CLIP2: variants seen among roughly 807,000 people sequenced by gnomAD.
The protein encoded by CLIP2 is CAP-Gly domain-containing linker protein 2.
CLIP2 carries 41 observed loss-of-function variants against 111.7 expected under a neutral mutation model. That is an observed-to-expected ratio of 0.37 (90% CI 0.29 to 0.48). CLIP2 has a LOEUF of 0.48. Among genes scored for constraint, CLIP2 ranks in the 20% least tolerant of loss-of-function variants. The probability of loss-of-function intolerance (pLI) is 0.99; values close to 1 mark genes in which losing one functional copy is unlikely to be tolerated. For missense variants in CLIP2, 1,160 were observed against 1,422.1 expected, an observed-to-expected ratio of 0.82 and a Z score of 2.96; for synonymous variants, 660 against 644.2, an observed-to-expected ratio of 1.02 and a Z score of -0.37.
chr7:74,312,349 G>T (rs1788663519), intron 1 of CLIP2, among the ~76,000 whole-genome samples: 1 of 152,098 alleles, frequency 6.6e-6, no homozygotes, highest in African/African-American at 2.4e-5. Flanking sequence ...GGGGGGCGGG[G>T]GTCAGGAGGC....
chr7:74,298,068 C>T (rs545430797), intron 1 of CLIP2, among the ~76,000 whole-genome samples: 27 of 152,096 alleles, frequency 1.8e-4, no homozygotes, highest in African/African-American at 5.5e-4. Flanking sequence ...ACCCACGGTC[C>T]GGTGCAGTGC....
intron 3 of CLIP2, among the ~76,000 whole-genome samples, chr7:74,348,182 A>C (rs1789859149): frequency 1.3e-5 from 2 of 152,078 alleles, no homozygotes; most frequent in South Asian, 4.2e-4. Flanking sequence ...AAAAACAAAA[A>C]CAGGAGCCAA....
intron 2 of CLIP2, among the ~76,000 whole-genome samples, chr7:74,333,846 C>T (rs1261195009): frequency 2.6e-5 from 4 of 152,214 alleles, no homozygotes; most frequent in Middle Eastern, 3.4e-3. Flanking sequence ...TCTTTGCCTT[C>T]GCGGGGGTTT....
At chr7:74,396,382 C>T (rs782340553) in intron 13 of CLIP2, among the ~76,000 whole-genome samples, 1 of 152,146 alleles carries the variant, frequency 6.6e-6, no homozygotes, top group Admixed American at 6.5e-5. Flanking sequence ...GGCGACATAG[C>T]AAGACCCTGT....
chr7:74,347,645 A>G (rs1395658954), intron 3 of CLIP2, among the ~76,000 whole-genome samples: 1 of 151,256 alleles, frequency 6.6e-6, no homozygotes, highest in Non-Finnish European at 1.5e-5. Context: ...TCCCTCTACA[A>G]TGGAGATTAC....
chr7:74,356,659 T>G, intron 5 of CLIP2, 36 bp downstream of exon 5: 1 of 1,575,996 alleles, frequency 6.3e-7, no homozygotes, highest in Middle Eastern at 1.7e-4. Flanking sequence ...TTCTCTGGTG[T>G]GCGTTTGGGA....
chr7:74,399,760 G>A (rs868985093), intron 14 of CLIP2, among the ~76,000 whole-genome samples: 2 of 151,470 alleles, frequency 1.3e-5, no homozygotes, highest in Admixed American at 6.6e-5. Context: ...GGCTGGTCTC[G>A]AACTCCTGAC....
chr7:74,367,060 T>C (rs1281704808), intron 8 of CLIP2, among the ~76,000 whole-genome samples: 9 of 152,134 alleles, frequency 5.9e-5, no homozygotes, highest in Admixed American at 5.2e-4. Context: ...GAACATCTTA[T>C]GAAGACAGCA....
chr7:74,366,875 CAAAAAAAAAAAAAAA>C (rs35336151), intron 8 of CLIP2, among the ~76,000 whole-genome samples: 1 of 66,110 alleles, frequency 1.5e-5, no homozygotes, highest in Non-Finnish European at 2.7e-5. Context: ...GACTCCTTCT[CAAAAAAAAAAAAAAA>C]AAAAAAAAAG....
In CLIP2 at chr7:74,397,065, C is replaced by A; in HGVS notation, c.2721-9C>A. On this transcript the variant is annotated splice_polypyrimidine_tract_variant and intron_variant, in intron 13 of 16. Coordinates refer to ENST00000223398, the MANE Select transcript of CLIP2 (RefSeq NM_003388.5). ...GAGTGCAGTGGTTCTGTGCCCGCCT[C>A]ACCCCCAGGAGCCTGAACGAACTGC... The A allele has an allele frequency of 6.2e-7, 1 of 1,612,958 alleles. No homozygotes were observed. The highest frequency in any genetic ancestry group is 8.5e-7 in the Non-Finnish European group (1 of 1,179,506).
rs1278037083 is a variant in CLIP2 at position 74,372,409 on chromosome 7, G to C, written c.1381-523G>C. On this transcript the variant is annotated intron_variant, in intron 8 of 16. Coordinates refer to ENST00000223398, the MANE Select transcript of CLIP2 (RefSeq NM_003388.5). ...CACTTTTAGCACAGGCCTTGGGGGGGGGGGGGAGTCGAGCGGGAATCCCGG... is the reference window on the plus strand; with the variant it reads ...CACTTTTAGCACAGGCCTTGGGGGGCGGGGGGAGTCGAGCGGGAATCCCGG... Among the ~76,000 whole-genome samples, 44 of 148,894 alleles carry C rather than the reference G, an allele frequency of 3.0e-4. 7 individuals are homozygous for C. The highest frequency in any genetic ancestry group is 8.9e-4 in the African/African-American group (36 of 40,522).
Position 74,380,821 on chromosome 7 carries a change from G to T in CLIP2, c.2437G>T (p.Asp813Tyr). 6.2e-7 allele frequency: 1 copy of T among 1,608,456 alleles called. No homozygotes were observed. The highest frequency in any genetic ancestry group is 1.1e-5 in the South Asian group (1 of 90,448). Residue 813 changes from aspartate (D) to tyrosine (Y), a missense_variant, in exon 11 of 17, where the codon GAC becomes TAC. Physicochemically the swap from Asp to Tyr is radical, Grantham distance 160. Transcript: ENST00000223398. Reference sequence around the variant, plus strand: ...CTTTTTGCAGATGATTGAGTCGAATGACATTTCAGAGGAGACGATCAGGAC... The same window carrying T: ...CTTTTTGCAGATGATTGAGTCGAATTACATTTCAGAGGAGACGATCAGGAC... ...SQHTHMIESN[D>Y]ISEETIRTKE...
At chr7:74,369,854 CAAAA>C (rs58294211) in intron 8 of CLIP2, among the ~76,000 whole-genome samples, 4 of 9,498 alleles carry the variant, frequency 4.2e-4, no homozygotes, top group East Asian at 3.4e-3. Context: ...GACTCTGCCT[CAAAA>C]AAAAAAAAAA....
intron 1 of CLIP2, among the ~76,000 whole-genome samples, chr7:74,294,009 C>T (rs1040174932): frequency 7.9e-5 from 12 of 152,022 alleles, no homozygotes; most frequent in Admixed American, 5.3e-4. Flanking sequence ...CTCTGCCTCC[C>T]GGGTTCAAGT....
intron 2 of CLIP2, among the ~76,000 whole-genome samples, chr7:74,336,774 TG>T: frequency 6.6e-6 from 1 of 152,068 alleles, no homozygotes; most frequent in African/African-American, 2.4e-5. Flanking sequence ...TGGGGGCAAT[TG>T]GGGATCAGAT....
intron 11 of CLIP2, among the ~76,000 whole-genome samples, chr7:74,385,083 C>T (rs1405299674): frequency 2.7e-5 from 4 of 148,256 alleles, no homozygotes; most frequent in African/African-American, 1.0e-4. Context: ...TCATGTCCAG[C>T]CTGGCGGACA....
Position 74,376,808 on chromosome 7 carries a change from T to C in CLIP2, c.2407T>C (p.Ser803Pro). The change falls in exon 10 of 17, where the codon TCC becomes CCC. Residue 803 changes from serine to proline, a missense_variant. Coordinates refer to ENST00000223398, the MANE Select transcript of CLIP2 (RefSeq NM_003388.5). The surrounding 1 kb of genome is among the most constrained non-coding windows in gnomAD (Gnocchi z 7.1). ...CCAGGCGGTCGAGGCCCTGTGCTCC[T>C]CCCAGCACACCCACGTAGGCGCCTG... Reference protein sequence around the residue: ...RLQAVEALCSSQHTHMIESND... With the variant: ...RLQAVEALCSPQHTHMIESND... 1 of 1,596,320 alleles carries C rather than the reference T, an allele frequency of 6.3e-7. No individual in the cohort carries two copies. Among genetic ancestry groups the C allele is most frequent in the South Asian group, 1.1e-5 (1 of 88,506 alleles).
chr7:74,336,844 GT>G (rs1564048877), intron 2 of CLIP2, among the ~76,000 whole-genome samples: 1 of 147,650 alleles, frequency 6.8e-6, no homozygotes, highest in Admixed American at 6.8e-5. Flanking sequence ...GATTACTATG[GT>G]TGTTTGTTTT....
chr7:74,304,523 C>CA (rs1788423515), intron 1 of CLIP2, among the ~76,000 whole-genome samples: 1 of 121,304 alleles, frequency 8.2e-6, no homozygotes, highest in Non-Finnish European at 1.8e-5. Context: ...GAGACTCTGA[C>CA]AAAAAAACCT....
Sources: allele counts gnomAD v4.1 joint callset (sites outside exome capture counted in the v4.1 genomes callset), GRCh38; gene constraint gnomAD v4.1.1; non-coding constraint Gnocchi (gnomAD v3.1); transcripts MANE v1.5; gene names NCBI Gene and HGNC (gene_info 2026-07-23, HGNC 2026-07-21).